The following BRINP3 variants were observed in gnomAD, a reference collection of about 807,000 sequenced individuals.
BRINP3 encodes BMP/retinoic acid-inducible neural-specific protein 3.
A neutral mutation model predicts 71.0 loss-of-function variants in BRINP3; 19 were observed. The observed-to-expected ratio is 0.27, with a 90% CI of 0.19 to 0.39. The LOEUF (loss-of-function observed/expected upper bound fraction) is 0.39, where lower values mean the gene tolerates loss of function less well. Among genes scored for constraint, BRINP3 ranks in the 10% least tolerant of loss-of-function variants. The pLI, the probability that BRINP3 is intolerant of heterozygous loss-of-function variation, is 1.00. For missense variants in BRINP3, 959 were observed against 940.8 expected, an observed-to-expected ratio of 1.02 and a Z score of -0.25; for synonymous variants, 380 against 337.7, an observed-to-expected ratio of 1.13 and a Z score of -1.37.
intron 6 of BRINP3, among the ~76,000 whole-genome samples, chr1:190,184,957 A>G (rs1653380536): frequency 6.6e-6 from 1 of 152,158 alleles, no homozygotes; most frequent in Non-Finnish European, 1.5e-5. Context: ...CATAAACATA[A>G]ACTCAAAGTG....
rs1184444250 is a variant in BRINP3, at chr1:190,125,945, A to G, written c.1185-26811T>C. 2.0e-5 allele frequency among the ~76,000 whole-genome samples: 3 copies of G among 151,982 alleles called. No homozygotes were observed. In the East Asian group the frequency reaches 5.8e-4, roughly 29 times the overall value. ...GCAGTAGTCACACAGAACCACAGCT[A>G]AAAGGAAACTAGCCCTCTAACACTG... On this transcript the variant is annotated intron_variant, in intron 7 of 7. Coordinates refer to ENST00000367462, the MANE Select transcript of BRINP3 (RefSeq NM_199051.3).
chr1:190,251,352 C>A (rs1325380017), intron 4 of BRINP3, among the ~76,000 whole-genome samples: 1 of 151,982 alleles, frequency 6.6e-6, no homozygotes, highest in Non-Finnish European at 1.5e-5. Flanking sequence ...ATTTTCCTGA[C>A]AACCTTATGA....
In BRINP3 at chr1:190,274,883, C is replaced by A. The variant is rs1228902480; in HGVS notation, c.427+6677G>T. 2.0e-5 allele frequency among the ~76,000 whole-genome samples: 3 copies of A among 151,506 alleles called. No homozygotes were observed. The Admixed American group carries it at 2.0e-4, about 10-fold the overall frequency. ...ATAGGCTTTTGCCAAGAAGCAGAAC[C>A]AAACATATTAGGATAGTTAAGAAAT... On this transcript the variant is annotated intron_variant, in intron 3 of 7. Coordinates refer to ENST00000367462, the MANE Select transcript of BRINP3 (RefSeq NM_199051.3).
chr1:190,271,779 A>G (rs1662132138), intron 3 of BRINP3, among the ~76,000 whole-genome samples: 1 of 151,526 alleles, frequency 6.6e-6, no homozygotes, highest in East Asian at 1.9e-4. Flanking sequence ...TGCATCATTA[A>G]TTTCTTCTTA....
chr1:190,206,958 C>T (rs1389267942), intron 6 of BRINP3, among the ~76,000 whole-genome samples: 2 of 148,738 alleles, frequency 1.3e-5, no homozygotes, highest in Non-Finnish European at 3.0e-5. Context: ...AAGACAATAT[C>T]ATGTTTGGGT....
intron 7 of BRINP3, among the ~76,000 whole-genome samples, chr1:190,100,075 C>T (rs1274534449): frequency 6.6e-6 from 1 of 152,124 alleles, no homozygotes; most frequent in African/African-American, 2.4e-5. Flanking sequence ...CTCTATAACA[C>T]ACAGTTCTCT....
chr1:190,219,867 A>G (rs1374450091), intron 6 of BRINP3, among the ~76,000 whole-genome samples: 2 of 150,710 alleles, frequency 1.3e-5, no homozygotes, highest in Non-Finnish European at 3.0e-5. Flanking sequence ...ATAATAATAA[A>G]TTTTAAAAAA....
chr1:190,129,192 C>T (rs1219048169), intron 7 of BRINP3, among the ~76,000 whole-genome samples: 1 of 151,802 alleles, frequency 6.6e-6, no homozygotes, highest in African/African-American at 2.4e-5. Context: ...AGATTAGGGA[C>T]ATCAGAGTGA....
Position 190,293,487 on chromosome 1 carries a change from A to ATC in BRINP3, c.237-11738_237-11737insGA, listed in dbSNP as rs879860960. ...CCATGTGTTGATGAGAAGATTGTTT[A>ATC]TTCTGCAGCAGTTTGAGTGAAATGT... On this transcript the variant is annotated intron_variant, in intron 2 of 7. Coordinates refer to ENST00000367462, the MANE Select transcript of BRINP3 (RefSeq NM_199051.3). Among the ~76,000 whole-genome samples the ATC allele has an allele frequency of 5.4e-3, 828 of 152,258 alleles. 5 individuals are homozygous for ATC. The highest frequency in any genetic ancestry group is 0.018 in the African/African-American group (757 of 41,554).
chr1:190,374,020 G>T (rs149932815), intron 2 of BRINP3, among the ~76,000 whole-genome samples: 5 of 151,502 alleles, frequency 3.3e-5, no homozygotes, highest in African/African-American at 9.7e-5. Context: ...ACACTTAGGG[G>T]CATGGTCTTA....
chr1:190,160,994 G>A, intron 6 of BRINP3, 104 bp from the exon 7 acceptor site: 1 of 736,624 alleles, frequency 1.4e-6, no homozygotes, highest in Non-Finnish European at 2.2e-6. Context: ...ACACATATAT[G>A]TCAAATTAAG....
At chr1:190,143,501 T>A (rs975536807) in intron 7 of BRINP3, among the ~76,000 whole-genome samples, 1 of 152,170 alleles carries the variant, frequency 6.6e-6, no homozygotes, top group Non-Finnish European at 1.5e-5. Flanking sequence ...CCAATAGTCC[T>A]TTGTGGATAT....
intron 6 of BRINP3, among the ~76,000 whole-genome samples, chr1:190,187,901 C>G (rs1189463301): frequency 2.1e-5 from 3 of 140,026 alleles, no homozygotes; most frequent in Non-Finnish European, 3.2e-5. Context: ...GTTTTTTTTT[C>G]TATTTTTTTT....
At chr1:190,393,774 T>C (rs1419772120) in intron 2 of BRINP3, among the ~76,000 whole-genome samples, 1 of 151,560 alleles carries the variant, frequency 6.6e-6, no homozygotes, top group African/African-American at 2.4e-5. Flanking sequence ...ACTCTCAAAA[T>C]GGTTGCTAAA....
Position 190,436,372 on chromosome 1 carries a change from C to T in BRINP3, c.236+18283G>A, listed in dbSNP as rs1031589841. 4.0e-5 allele frequency among the ~76,000 whole-genome samples: 6 copies of T among 151,778 alleles called. No homozygotes were observed. In the South Asian group the frequency reaches 1.2e-3, roughly 32 times the overall value. On this transcript the variant is annotated intron_variant, in intron 2 of 7. Transcript: ENST00000367462. ...AATGAACCAAACCATAGGTGGACAA[C>T]GCCAGAGCCAAGGATCTTAAAATAT... is the stretch of plus-strand genomic sequence containing the variant.
chr1:190,097,755 T>C lies in BRINP3; in HGVS notation c.*263A>G, dbSNP rs1651332958. ...CACAAAAGCATTGCCACGGAACATATAAAATTACAAATGAAATTTATTGTA... is the reference window on the plus strand; with the variant it reads ...CACAAAAGCATTGCCACGGAACATACAAAATTACAAATGAAATTTATTGTA... On this transcript the variant is annotated 3_prime_UTR_variant, in exon 8 of 8. Transcript: ENST00000367462. 1 of 363,426 alleles carries C rather than the reference T, an allele frequency of 2.8e-6. No homozygotes were observed. 22.5% of individuals were successfully genotyped at this position (363,426 alleles called of 1,614,324 possible).
At chr1:190,148,245 C>T (rs1299022364) in intron 7 of BRINP3, among the ~76,000 whole-genome samples, 1 of 152,038 alleles carries the variant, frequency 6.6e-6, no homozygotes, top group South Asian at 2.1e-4. Flanking sequence ...TATGGAAATT[C>T]TATTATGCAT....
At chr1:190,426,004 C>CA (rs1281077295) in intron 2 of BRINP3, among the ~76,000 whole-genome samples, 1 of 151,360 alleles carries the variant, frequency 6.6e-6, no homozygotes, top group African/African-American at 2.4e-5. Flanking sequence ...GTCAGTATTG[C>CA]AAAAAAAGTT....
intron 6 of BRINP3, among the ~76,000 whole-genome samples, chr1:190,206,967 G>T (rs1253686699): frequency 4.8e-5 from 7 of 144,560 alleles, no homozygotes; most frequent in Non-Finnish European, 7.6e-5. Context: ...TCATGTTTGG[G>T]TTTTTTTTTT....
Sources: gnomAD v4.1 joint callset for allele counts (sites outside exome capture counted in the v4.1 genomes callset) on GRCh38, gnomAD v4.1.1 for gene constraint, MANE v1.5 for transcripts, NCBI Gene and HGNC (gene_info 2026-07-23, HGNC 2026-07-21) for gene names.